PAQR5: variants seen among roughly 807,000 people sequenced by gnomAD.
PAQR5 encodes membrane progestin receptor gamma.
In PAQR5, 20 loss-of-function variants were observed where a neutral mutation model predicts 34.5. That is an observed-to-expected ratio of 0.58 (90% CI 0.41 to 0.84). The LOEUF is 0.84. Ranked by LOEUF, PAQR5 falls within the 40% of genes least tolerant of loss-of-function variation. The pLI, the probability that PAQR5 is intolerant of heterozygous loss-of-function variation, is 0.00. For synonymous variants in PAQR5, 131 were observed against 155.6 expected (o/e 0.84, Z 1.18); for missense variants, 378 against 412.7 (o/e 0.92, Z 0.73).
intron 2 of PAQR5, among the ~76,000 whole-genome samples, chr15:69,340,586 C>T (rs2054616178): frequency 6.6e-6 from 1 of 152,182 alleles, no homozygotes; most frequent in Non-Finnish European, 1.5e-5. Flanking sequence ...TGATGAGTGA[C>T]CTCAGCTTTC....
chr15:69,307,605 C>T (rs535238138), intron 1 of PAQR5, among the ~76,000 whole-genome samples: 1 of 152,154 alleles, frequency 6.6e-6, no homozygotes, highest in African/African-American at 2.4e-5. Context: ...TTTCATCCCC[C>T]ACAAGGCTGA....
chr15:69,311,361 T>C (rs2053830702), intron 1 of PAQR5, among the ~76,000 whole-genome samples: 1 of 152,134 alleles, frequency 6.6e-6, no homozygotes, highest in East Asian at 1.9e-4. Context: ...AGCAAGAGAA[T>C]GATTGGACTG....
intron 2 of PAQR5, among the ~76,000 whole-genome samples, chr15:69,339,541 C>G (rs2054591513): frequency 6.6e-6 from 1 of 151,944 alleles, no homozygotes; most frequent in Non-Finnish European, 1.5e-5. Context: ...GGTGCAATCT[C>G]AGCTCACTGC....
intron 3 of PAQR5, chr15:69,379,656 C>G: frequency 1.1e-6 from 1 of 928,670 alleles, no homozygotes; most frequent in Non-Finnish European, 1.3e-6. Context: ...CCAAAGGGAG[C>G]CTGGCCCTTG....
At chr15:69,389,033 C>G (rs1397637340) in intron 5 of PAQR5, among the ~76,000 whole-genome samples, 1 of 152,242 alleles carries the variant, frequency 6.6e-6, no homozygotes, top group Non-Finnish European at 1.5e-5. Context: ...CCTTCTTTCA[C>G]AAACTTCAAA....
rs187695701 is a variant in PAQR5, at chr15:69,398,950, T to C, written c.610-1024T>C. On this transcript the variant is annotated intron_variant, in intron 7 of 8. Coordinates refer to ENST00000395407, the MANE Select transcript of PAQR5 (RefSeq NM_017705.4). ...ACTAAGTGATGTGCAAGTCACTCTC[T>C]GGCCCACCTTCCTCACCTGCAAAAT... Among the ~76,000 whole-genome samples the C allele has an allele frequency of 1.6e-4, 24 of 152,356 alleles. No individual in the cohort carries two copies. The East Asian group carries it at 4.4e-3, about 28-fold the overall frequency.
At chr15:69,323,842 A>G (rs1206442735) in intron 1 of PAQR5, among the ~76,000 whole-genome samples, 1 of 152,140 alleles carries the variant, frequency 6.6e-6, no homozygotes, top group Non-Finnish European at 1.5e-5. Context: ...ACCATTTTAT[A>G]TAGACAGTAT....
At chr15:69,319,794 T>A (rs574777516) in intron 1 of PAQR5, among the ~76,000 whole-genome samples, 1 of 152,248 alleles carries the variant, frequency 6.6e-6, no homozygotes, top group Admixed American at 6.5e-5. Flanking sequence ...ATGAAGCCTG[T>A]CTCCTGGAAG....
Position 69,405,208 on chromosome 15 carries a change from C to A in PAQR5, c.*1386C>A, listed in dbSNP as rs751022036. On this transcript the variant is annotated 3_prime_UTR_variant, in exon 9 of 9. Coordinates refer to ENST00000395407, the MANE Select transcript of PAQR5 (RefSeq NM_017705.4). ...AACTTTTGACAGAGGCCCATCAAAC[C>A]CAGATCTGCACTTGGTAATGACTTA... 61 of 381,868 alleles carry A rather than the reference C, an allele frequency of 1.6e-4. No homozygotes were observed. The highest frequency in any genetic ancestry group is 3.6e-4 in the Admixed American group (8 of 22,190). The allele number at this position is 381,868 out of a possible 1,614,324, so 23.7% of individuals were successfully genotyped here.
At chr15:69,319,554 GC>G (rs1226833291) in intron 1 of PAQR5, among the ~76,000 whole-genome samples, 1 of 151,958 alleles carries the variant, frequency 6.6e-6, no homozygotes, top group African/African-American at 2.4e-5. Context: ...TTCGAGATAG[GC>G]CCACCTTGGC....
In PAQR5 at chr15:69,397,488, C is replaced by T; in HGVS notation, c.533C>T (p.Pro178Leu). The part of the protein sequence containing the change: ...CYSRFLEIQK[P>L]RLCKVIRVLA... ...TTTAGGTTTCTTGAAATCCAGAAGCCCAGACTCTGTAAGGTGATTCGTGTC... is the reference window on the plus strand; with the variant it reads ...TTTAGGTTTCTTGAAATCCAGAAGCTCAGACTCTGTAAGGTGATTCGTGTC... Residue 178 changes from proline (P) to leucine (L), a missense_variant, in exon 7 of 9, where the codon CCC becomes CTC. Pro to Leu is a moderately conservative substitution (Grantham distance 98). Transcript: ENST00000395407. 1.2e-6 allele frequency: 2 copies of T among 1,613,612 alleles called. No individual in the cohort carries two copies. The highest frequency in any genetic ancestry group is 1.7e-6 in the Non-Finnish European group (2 of 1,179,484).
At position 69,300,915 on chromosome 15, in the gene PAQR5, TTCTCTCTC is replaced by T. The variant is rs1189522672; in HGVS notation, c.-277+1877_-277+1884del. On this transcript the variant is annotated intron_variant, in intron 1 of 8. Coordinates refer to ENST00000395407, the MANE Select transcript of PAQR5 (RefSeq NM_017705.4). ...TTTCTTCCTTCCTTCCTTCCTTCCT[TTCTCTCTC>T]TCTCTCTCTCTCTCTCTTTCTTTCC... is the stretch of plus-strand genomic sequence containing the variant. Among the ~76,000 whole-genome samples the T allele has an allele frequency of 1.0e-3, 11 of 10,994 alleles. 2 individuals are homozygous for T. The highest frequency in any genetic ancestry group is 1.8e-3 in the Non-Finnish European group (6 of 3,374). The allele number at this position is 10,994 out of a possible 152,430, so 7.2% of individuals were successfully genotyped here.
At chr15:69,349,589 T>C (rs2054857294) in intron 2 of PAQR5, among the ~76,000 whole-genome samples, 1 of 152,102 alleles carries the variant, frequency 6.6e-6, no homozygotes, top group African/African-American at 2.4e-5. Flanking sequence ...AATCAAAACA[T>C]GGGCCACTAT....
rs1482037670 is a variant in PAQR5, at chr15:69,379,681, G to A, written c.52-202G>A. ...CCTGGCCCTTGAATTCCCTCCCCCA[G>A]CTAGCTGGAGGCTTCTTGGAGGACA... On this transcript the variant is annotated intron_variant, in intron 3 of 8. Coordinates refer to ENST00000395407, the MANE Select transcript of PAQR5 (RefSeq NM_017705.4). 3 of 840,306 alleles carry A rather than the reference G, an allele frequency of 3.6e-6. No individual in the cohort carries two copies. The East Asian group carries it at 3.7e-4, about 102-fold the overall frequency. The allele number at this position is 840,306 out of a possible 1,614,324, so 52.1% of individuals were successfully genotyped here.
At chr15:69,345,626 C>T (rs2054749891) in intron 2 of PAQR5, among the ~76,000 whole-genome samples, 1 of 152,164 alleles carries the variant, frequency 6.6e-6, no homozygotes, top group Admixed American at 6.5e-5. Context: ...TTTTTTAAGG[C>T]TATTTCAGGG....
chr15:69,398,215 C>A (rs1305909018), intron 7 of PAQR5, among the ~76,000 whole-genome samples: 2 of 151,968 alleles, frequency 1.3e-5, no homozygotes, highest in Non-Finnish European at 2.9e-5. Flanking sequence ...AAGGAAAAGG[C>A]ATGAATGAGG....
intron 5 of PAQR5, among the ~76,000 whole-genome samples, chr15:69,387,663 C>A (rs905590534): frequency 1.3e-5 from 2 of 152,194 alleles, no homozygotes; most frequent in Non-Finnish European, 2.9e-5. Context: ...CACAGCTGTG[C>A]ATGGCAGAGC....
rs71149903 is a variant in PAQR5 at position 69,301,859 on chromosome 15, A to ATTTTT, written c.-277+2836_-277+2840dup. 1.5e-3 allele frequency among the ~76,000 whole-genome samples: 149 copies of ATTTTT among 98,832 alleles called. 15 individuals carry two copies. The highest frequency in any genetic ancestry group is 4.2e-3 in the African/African-American group (73 of 17,274). 64.8% of individuals were successfully genotyped at this position (98,832 alleles called of 152,430 possible). A position where few individuals can be genotyped will look rare whatever the true frequency, so the allele number is the denominator to read the frequency against. On this transcript the variant is annotated intron_variant, in intron 1 of 8. Transcript: ENST00000395407. ...GTGAATTCATAAGAAATGGGGGGAGATTTTTTTTTTTTTTTTTTTTTTTTT... is the reference window on the plus strand; with the variant it reads ...GTGAATTCATAAGAAATGGGGGGAGATTTTTTTTTTTTTTTTTTTTTTTTTTTTTT...
chr15:69,353,026 A>G lies in PAQR5; in HGVS notation c.-115-6940A>G, dbSNP rs541638555. Among the ~76,000 whole-genome samples the G allele has an allele frequency of 7.2e-5, 11 of 152,304 alleles. No individual in the cohort carries two copies. The East Asian group carries it at 1.9e-3, about 27-fold the overall frequency. ...TGCCAGTCAGCCTCTTTCACCACCC[A>G]TCCCTGTCTTCATCCCAGAGTCTCA... On this transcript the variant is annotated intron_variant, in intron 2 of 8. Transcript: ENST00000395407.
Sources: gnomAD v4.1 joint callset for allele counts (sites outside exome capture counted in the v4.1 genomes callset) on GRCh38, gnomAD v4.1.1 for gene constraint, MANE v1.5 for transcripts, NCBI Gene and HGNC (gene_info 2026-07-23, HGNC 2026-07-21) for gene names.